The following CACTIN variants were observed in gnomAD, a reference collection of about 807,000 sequenced individuals.
CACTIN encodes the protein splicing factor Cactin.
Under a neutral mutation model 84.9 loss-of-function variants are expected in CACTIN, and 20 were observed. That is an observed-to-expected ratio of 0.24 (90% confidence interval 0.17 to 0.34). CACTIN has a LOEUF of 0.34. Among genes scored for constraint, CACTIN ranks in the 10% least tolerant of loss-of-function variants. The pLI, the probability that CACTIN is intolerant of heterozygous loss-of-function variation, is 1.00. For synonymous variants in CACTIN, 549 were observed against 467.9 expected (o/e 1.17, Z -2.24); for missense variants, 897 against 1,117.2 (o/e 0.80, Z 2.81).
rs765564279 is a variant in CACTIN at position 3,611,820 on chromosome 19, C to T, written c.*103G>A. On this transcript the variant is annotated 3_prime_UTR_variant, in exon 10 of 10. Transcript: ENST00000429344. ...TGCGGCCTGAGGTGGGACGTGAACC[C>T]GCGGCCCTGCAGCCCAGACAGCGGC... 22 of 1,436,356 alleles carry T rather than the reference C, an allele frequency of 1.5e-5. No homozygotes were observed. The Admixed American group carries it at 2.7e-4, about 18-fold the overall frequency. The allele number at this position is 1,436,356 out of a possible 1,614,324, so 89.0% of individuals were successfully genotyped here. A position where few individuals can be genotyped will look rare whatever the true frequency, so the allele number is the denominator to read the frequency against.
intron 2 of CACTIN, among the ~76,000 whole-genome samples, chr19:3,622,362 T>TTTA (rs1485761594): frequency 4.8e-5 from 1 of 20,776 alleles, no homozygotes; most frequent in African/African-American, 3.6e-4. Flanking sequence ...AGACTCCATC[T>TTTA]CAAAAAAAAA....
chr19:3,614,634 C>G, intron 6 of CACTIN, 45 bp from the exon 7 acceptor site: 1 of 1,505,462 alleles, frequency 6.6e-7, no homozygotes, highest in Admixed American at 1.9e-5. Context: ...ACATTTCCTA[C>G]GTGCTCCTCC....
In CACTIN at chr19:3,611,845, C is replaced by A. The variant is rs936020863; in HGVS notation, c.*78G>T. 2.6e-6 allele frequency: 4 copies of A among 1,551,858 alleles called. No individual in the cohort carries two copies. The highest frequency in any genetic ancestry group is 3.5e-6 in the Non-Finnish European group (4 of 1,149,472). ...CGCGGCCCTGCAGCCCAGACAGCGG[C>A]CCCGGAGTGACCACCAGCTTCACCG... On this transcript the variant is annotated 3_prime_UTR_variant, in exon 10 of 10. Coordinates refer to ENST00000429344, the MANE Select transcript of CACTIN (RefSeq NM_001080543.2).
intron 1 of CACTIN, among the ~76,000 whole-genome samples, chr19:3,626,072 G>A (rs566076092): frequency 4.1e-4 from 62 of 151,964 alleles, no homozygotes; most frequent in African/African-American, 1.5e-3. Context: ...TGAAATCTAC[G>A]CACTTTGCCC....
chr19:3,618,186 G>T (rs1471669803), intron 6 of CACTIN, among the ~76,000 whole-genome samples: 5 of 146,004 alleles, frequency 3.4e-5, no homozygotes, highest in Non-Finnish European at 7.5e-5. Context: ...CCGGGGGGGG[G>T]GGGGGTCTCA....
rs747678861 is a variant in CACTIN, at chr19:3,610,982, GGAGT to G, written c.*937_*940del. 44 of 456,580 alleles carry G rather than the reference GGAGT, an allele frequency of 9.6e-5. No homozygotes were observed. The Middle Eastern group carries it at 2.0e-3, about 20-fold the overall frequency. 28.3% of individuals were successfully genotyped at this position (456,580 alleles called of 1,614,324 possible). ...CTCGGCCCTCCTGGCCTGAGAAAGG[GGAGT>G]GAGAAGGAGCCACTGTCCTGATATG... On this transcript the variant is annotated 3_prime_UTR_variant, in exon 10 of 10. Coordinates refer to ENST00000429344, the MANE Select transcript of CACTIN (RefSeq NM_001080543.2).
chr19:3,614,012 C>T (rs1454201647), intron 7 of CACTIN: 5 of 448,346 alleles, frequency 1.1e-5, no homozygotes, highest in South Asian at 2.5e-5. Flanking sequence ...GAGGCAGCAG[C>T]GCTGGGAGGG....
chr19:3,611,680 C>T lies in CACTIN; in HGVS notation c.*243G>A, dbSNP rs555032078. ...CGAAAGATGCCCCTAGCGCCCCCTC[C>T]GTTGCATCAGGACCCTAGGCCAGCC... On this transcript the variant is annotated 3_prime_UTR_variant, in exon 10 of 10. Transcript: ENST00000429344. 403 of 566,234 alleles carry T rather than the reference C, an allele frequency of 7.1e-4. No homozygotes were observed. The highest frequency in any genetic ancestry group is 1.1e-3 in the Non-Finnish European group (349 of 316,572). The allele number at this position is 566,234 out of a possible 1,614,324, so 35.1% of individuals were successfully genotyped here.
intron 3 of CACTIN, 146 bp downstream of exon 3, chr19:3,620,561 G>A: frequency 1.5e-6 from 1 of 675,996 alleles, no homozygotes; most frequent in Non-Finnish European, 2.5e-6. Context: ...GTTTCCTGGG[G>A]CCATGGTCTG....
At chr19:3,614,016 G>A (rs1441271935) in intron 7 of CACTIN, 2 of 452,814 alleles carry the variant, frequency 4.4e-6, no homozygotes, top group South Asian at 2.5e-5. Flanking sequence ...CAGCAGCGCT[G>A]GGAGGGCGCA....
intron 4 of CACTIN, 50 bp from the exon 5 acceptor site, chr19:3,619,292 T>C (rs752789321): frequency 1.4e-5 from 22 of 1,586,524 alleles, no homozygotes; most frequent in South Asian, 2.3e-5. Context: ...GTGCCCTCCA[T>C]GCTAAAGACC....
At position 3,611,105 on chromosome 19, in the gene CACTIN, C is replaced by T. The variant is rs1343194950; in HGVS notation, c.*818G>A. The T allele has an allele frequency of 7.8e-6, 3 of 384,294 alleles. No homozygotes were observed. Among genetic ancestry groups the T allele is most frequent in the Admixed American group, 6.3e-5 (2 of 31,956 alleles). The allele number at this position is 384,294 out of a possible 1,614,324, so 23.8% of individuals were successfully genotyped here. ...GGGGAAGCCCCTCACCCTTCTCCAACCCCCAGCCTTCGGGGAGCCCCTGCC... is the reference window on the plus strand; with the variant it reads ...GGGGAAGCCCCTCACCCTTCTCCAATCCCCAGCCTTCGGGGAGCCCCTGCC... On this transcript the variant is annotated 3_prime_UTR_variant, in exon 10 of 10. Transcript: ENST00000429344.
intron 2 of CACTIN, 83 bp downstream of exon 2, chr19:3,623,605 G>T: frequency 1.6e-6 from 2 of 1,245,268 alleles, no homozygotes; most frequent in Non-Finnish European, 1.1e-6. Flanking sequence ...ATCAAGGGCA[G>T]GCTGGGAGTG....
intron 7 of CACTIN, 176 bp from the exon 8 acceptor site, chr19:3,613,762 G>C: frequency 1.3e-6 from 1 of 770,394 alleles, no homozygotes; most frequent in South Asian, 1.9e-5. Flanking sequence ...GCTTATGGGA[G>C]AGAGGACGAG....
chr19:3,612,970 CG>C, intron 9 of CACTIN, 87 bp downstream of exon 9: 1 of 1,454,458 alleles, frequency 6.9e-7, no homozygotes, highest in South Asian at 1.2e-5. Context: ...CTGACGCCAG[CG>C]GCTTCGGCCG....
rs1004707830 is a variant in CACTIN, at chr19:3,611,296, G to A, written c.*627C>T. On this transcript the variant is annotated 3_prime_UTR_variant, in exon 10 of 10. Transcript: ENST00000429344. Reference sequence around the variant, plus strand: ...TTGGGGGCCAGTCCCTGCAGAGTGTGGGTGTCCACAGAGGGTCTCTTCTGC... The same window carrying A: ...TTGGGGGCCAGTCCCTGCAGAGTGTAGGTGTCCACAGAGGGTCTCTTCTGC... The A allele has an allele frequency of 3.5e-5, 16 of 455,402 alleles. No individual in the cohort carries two copies. The highest frequency in any genetic ancestry group is 3.0e-4 in the African/African-American group (15 of 50,164). 28.2% of individuals were successfully genotyped at this position (455,402 alleles called of 1,614,324 possible). A position where few individuals can be genotyped will look rare whatever the true frequency, so the allele number is the denominator to read the frequency against.
rs1301458785 is a variant in CACTIN at position 3,610,702 on chromosome 19, C to G, written c.*1221G>C. On this transcript the variant is annotated 3_prime_UTR_variant, in exon 10 of 10. Transcript: ENST00000429344. ...ATGCGATCTTGCCAATAGGCCAATT[C>G]CATGAGAACAAAAGATTTTTTTTCC... is the stretch of plus-strand genomic sequence containing the variant. The G allele has an allele frequency of 2.2e-6, 1 of 456,646 alleles. No homozygotes were observed. The highest frequency in any genetic ancestry group is 6.9e-5 in the East Asian group (1 of 14,402). 28.3% of individuals were successfully genotyped at this position (456,646 alleles called of 1,614,324 possible).
In CACTIN at chr19:3,610,679, G is replaced by A. The variant is rs2032925153; in HGVS notation, c.*1244C>T. 4.4e-6 allele frequency: 2 copies of A among 453,294 alleles called. No individual in the cohort carries two copies. The highest frequency in any genetic ancestry group is 8.8e-6 in the Non-Finnish European group (2 of 226,196). 28.1% of individuals were successfully genotyped at this position (453,294 alleles called of 1,614,324 possible). On this transcript the variant is annotated 3_prime_UTR_variant, in exon 10 of 10. Coordinates refer to ENST00000429344, the MANE Select transcript of CACTIN (RefSeq NM_001080543.2). ...AATACAACGTTTATTAAAAAAACAT[G>A]CGATCTTGCCAATAGGCCAATTCCA...
chr19:3,613,384 G>T lies in CACTIN; in HGVS notation c.1479-19C>A. Reference sequence around the variant, plus strand: ...CTCCAGGCTGGGAGGAGAGAGCGTTGGAGGCGCGGAGGCTGCCCACGGCCC... The same window carrying T: ...CTCCAGGCTGGGAGGAGAGAGCGTTTGAGGCGCGGAGGCTGCCCACGGCCC... On this transcript the variant is annotated intron_variant, in intron 8 of 9. Transcript: ENST00000429344. 1 of 1,528,624 alleles carries T rather than the reference G, an allele frequency of 6.5e-7. No homozygotes were observed. The highest frequency in any genetic ancestry group is 8.8e-7 in the Non-Finnish European group (1 of 1,141,390). The allele number at this position is 1,528,624 out of a possible 1,614,324, so 94.7% of individuals were successfully genotyped here.
Sources: allele counts gnomAD v4.1 joint callset (sites outside exome capture counted in the v4.1 genomes callset), GRCh38; gene constraint gnomAD v4.1.1; transcripts MANE v1.5; gene names NCBI Gene and HGNC (gene_info 2026-07-23, HGNC 2026-07-21).